The following MBD5 variants were observed in gnomAD, a reference collection of about 807,000 sequenced individuals.
The protein encoded by MBD5 is methyl-CpG-binding domain protein 5.
MBD5 carries 13 observed loss-of-function variants against 117.3 expected under a neutral mutation model. That is an observed-to-expected ratio of 0.11 (90% CI 0.07 to 0.18). The LOEUF is 0.18. Among genes scored for constraint, MBD5 ranks in the 10% least tolerant of loss-of-function variants. MBD5 has a pLI of 1.00. For missense variants in MBD5, 1,879 were observed against 2,093.8 expected (o/e 0.90, Z 2.00); for synonymous variants, 727 against 766.4 (o/e 0.95, Z 0.85).
intron 5 of MBD5, among the ~76,000 whole-genome samples, chr2:148,459,694 T>G (rs1707006343): frequency 6.6e-6 from 1 of 152,198 alleles, no homozygotes; most frequent in Non-Finnish European, 1.5e-5. Context: ...GCTATTTATA[T>G]CCCAGCTTCA....
intron 3 of MBD5, among the ~76,000 whole-genome samples, chr2:148,257,585 G>A (rs751049831): frequency 4.1e-4 from 63 of 152,224 alleles, no homozygotes; most frequent in African/African-American, 1.3e-3. Flanking sequence ...GCCAAATGTC[G>A]CCACAAGAGG....
chr2:148,305,255 G>A (rs4972355), intron 3 of MBD5, among the ~76,000 whole-genome samples: 41,792 of 151,912 alleles, frequency 0.28, 6,555 homozygotes, highest in Admixed American at 0.37. Context: ...CTAACGTTTA[G>A]TCAAAGGAGA....
In MBD5 at chr2:148,030,937, G is replaced by A. The variant is rs145626118; in HGVS notation, c.-925+9253G>A. ...CCTAGTCAATTGAGGAAGGAACAAT[G>A]GATATAATGTAGTTTTTAAATATTT... is the stretch of plus-strand genomic sequence containing the variant. On this transcript the variant is annotated intron_variant, in intron 1 of 13. Coordinates refer to ENST00000642680, the MANE Select transcript of MBD5 (RefSeq NM_001378120.1). Among the ~76,000 whole-genome samples, 30 of 152,166 alleles carry A rather than the reference G, an allele frequency of 2.0e-4. No individual in the cohort carries two copies. In the East Asian group the frequency reaches 5.8e-3, roughly 29 times the overall value.
At chr2:148,370,022 C>T (rs1265032805) in intron 4 of MBD5, among the ~76,000 whole-genome samples, 1 of 152,092 alleles carries the variant, frequency 6.6e-6, no homozygotes, top group African/African-American at 2.4e-5. Flanking sequence ...GTAACAAAAG[C>T]TTCATCCAGG....
At position 148,440,134 on chromosome 2, in the gene MBD5, C is replaced by T. The variant is rs567727543; in HGVS notation, c.-556-18069C>T. On this transcript the variant is annotated intron_variant, in intron 4 of 13. Transcript: ENST00000642680. ...TTTCTGTTTTATTTAATGGCAGTTCCATTTACATTTCATTCAACAATGGAG... is the reference window on the plus strand; with the variant it reads ...TTTCTGTTTTATTTAATGGCAGTTCTATTTACATTTCATTCAACAATGGAG... 2.0e-4 allele frequency among the ~76,000 whole-genome samples: 31 copies of T among 152,240 alleles called. No homozygotes were observed. In the Middle Eastern group the frequency reaches 0.01, roughly 50 times the overall value.
intron 1 of MBD5, among the ~76,000 whole-genome samples, chr2:148,032,870 T>C (rs1053994090): frequency 1.3e-5 from 2 of 152,128 alleles, no homozygotes; most frequent in Non-Finnish European, 2.9e-5. Context: ...CGTAGTGTCA[T>C]AAATATAACC....
chr2:148,211,572 A>T (rs1699422568), intron 2 of MBD5, among the ~76,000 whole-genome samples: 1 of 152,112 alleles, frequency 6.6e-6, no homozygotes. Flanking sequence ...TTCCATGATT[A>T]TATTTATTTT....
chr2:148,463,417 AAGTGTACTTC>A (rs1199410946), intron 6 of MBD5, among the ~76,000 whole-genome samples: 15 of 152,184 alleles, frequency 9.9e-5, no homozygotes, highest in African/African-American at 3.6e-4. Flanking sequence ...TGTCTTTTTT[AAGTGTACTTC>A]ATCTGTTTTT....
At chr2:148,070,434 A>G (rs983848647) in intron 1 of MBD5, among the ~76,000 whole-genome samples, 2 of 152,232 alleles carry the variant, frequency 1.3e-5, no homozygotes, top group African/African-American at 4.8e-5. Flanking sequence ...TTGTTAAAAC[A>G]TAAATCATTA....
At chr2:148,134,238 C>CGATT (rs1697120670) in intron 1 of MBD5, among the ~76,000 whole-genome samples, 2 of 148,824 alleles carry the variant, frequency 1.3e-5, no homozygotes, top group African/African-American at 5.2e-5. Context: ...ATAGATAGAT[C>CGATT]GATCGATCTA....
At chr2:148,040,144 A>G (rs1694314176) in intron 1 of MBD5, among the ~76,000 whole-genome samples, 2 of 152,194 alleles carry the variant, frequency 1.3e-5, no homozygotes, top group African/African-American at 2.4e-5. Context: ...CAGTTTACCT[A>G]TCTGACAAAC....
intron 11 of MBD5, among the ~76,000 whole-genome samples, chr2:148,500,187 G>A (rs1391730768): frequency 2.0e-5 from 3 of 151,858 alleles, no homozygotes; most frequent in African/African-American, 7.3e-5. Flanking sequence ...TATAAATTTG[G>A]GCAAGTTGTC....
intron 1 of MBD5, among the ~76,000 whole-genome samples, chr2:148,133,693 T>C (rs1237732354): frequency 6.6e-6 from 1 of 152,028 alleles, no homozygotes; most frequent in East Asian, 1.9e-4. Flanking sequence ...CATGGTGGCA[T>C]ATACCTGTAA....
chr2:148,048,864 T>G (rs12691772), intron 1 of MBD5, among the ~76,000 whole-genome samples: 66,207 of 151,820 alleles, frequency 0.44, 14,573 homozygotes, highest in Middle Eastern at 0.55. Flanking sequence ...GGGTATGAGA[T>G]AAGCCTCTCT....
chr2:148,420,104 T>C (rs1478345551), intron 4 of MBD5, among the ~76,000 whole-genome samples: 2 of 152,196 alleles, frequency 1.3e-5, no homozygotes, highest in African/African-American at 4.8e-5. Flanking sequence ...AAAATTGTTT[T>C]GAATTGTTTT....
At chr2:148,450,975 C>G (rs897364885) in intron 4 of MBD5, among the ~76,000 whole-genome samples, 1 of 152,162 alleles carries the variant, frequency 6.6e-6, no homozygotes, top group African/African-American at 2.4e-5. Context: ...GCCTGTCTCT[C>G]TGTACCTTGA....
chr2:148,410,038 T>G (rs1326852297), intron 4 of MBD5, among the ~76,000 whole-genome samples: 1 of 152,188 alleles, frequency 6.6e-6, no homozygotes, highest in South Asian at 2.1e-4. Flanking sequence ...CATGTTTGAT[T>G]ATTTCTTCAG....
intron 2 of MBD5, among the ~76,000 whole-genome samples, chr2:148,207,639 A>G (rs1018025461): frequency 3.3e-5 from 5 of 151,594 alleles, no homozygotes; most frequent in Non-Finnish European, 7.4e-5. Context: ...TGGCGTGACT[A>G]TTATTTAACA....
Position 148,345,217 on chromosome 2 carries a change from T to TACACACACAC in MBD5, c.-557+2883_-557+2892dup, listed in dbSNP as rs1553503434. Among the ~76,000 whole-genome samples the TACACACACAC allele has an allele frequency of 5.5e-3, 600 of 109,190 alleles. 7 individuals carry two copies. Among genetic ancestry groups the TACACACACAC allele is most frequent in the African/African-American group, 0.02 (562 of 28,320 alleles). The allele number at this position is 109,190 out of a possible 152,430, so 71.6% of individuals were successfully genotyped here. On this transcript the variant is annotated intron_variant, in intron 4 of 13. Transcript: ENST00000642680. ...GTGTATATACGTATATATGTATATATACACACACACATATATATACCCACA... is the reference window on the plus strand; with the variant it reads ...GTGTATATACGTATATATGTATATATACACACACACACACACACACATATATATACCCACA...
Sources: gnomAD v4.1 joint callset for allele counts (sites outside exome capture counted in the v4.1 genomes callset) on GRCh38, gnomAD v4.1.1 for gene constraint, MANE v1.5 for transcripts, NCBI Gene and HGNC (gene_info 2026-07-23, HGNC 2026-07-21) for gene names.